The following OR6N1 variants were observed in gnomAD, a reference collection of about 807,000 sequenced individuals.
The protein encoded by OR6N1 is olfactory receptor family 6 subfamily N member 1, also known as olfactory receptor 6N1.
For missense variants in OR6N1, 394 were observed against 371.7 expected (o/e 1.06, Z -0.49); for synonymous variants, 170 against 150.7 (o/e 1.13, Z -0.94).
At chr1:158,777,638 G>A in the OR6N1 span, 1 of 1,589,022 alleles carries the variant, frequency 6.3e-7, no homozygotes, top group South Asian at 1.1e-5. Flanking sequence ...TGATCCATGG[G>A]AGGCTGAGGT....
chr1:158,777,223 G>A, the OR6N1 span: 2 of 1,614,134 alleles, frequency 1.2e-6, no homozygotes, highest in Admixed American at 3.3e-5. Flanking sequence ...ACAGAGTGTG[G>A]TGGTCATAAT....
At chr1:158,776,790 T>C (rs763467485), upstream of OR6N1, 9 of 1,613,916 alleles carry the variant, frequency 5.6e-6, no homozygotes, top group Non-Finnish European at 6.8e-6. Context: ...TGACCATTGG[T>C]GTTAGTACGG....
the OR6N1 span, among the ~76,000 whole-genome samples, chr1:158,837,561 TATTC>T: frequency 6.6e-6 from 1 of 151,810 alleles, no homozygotes; most frequent in South Asian, 2.1e-4. Flanking sequence ...ATATCTCTTT[TATTC>T]CTTCACTTTC....
the OR6N1 span, among the ~76,000 whole-genome samples, chr1:158,800,482 C>G: frequency 1.3e-5 from 2 of 152,148 alleles, no homozygotes; most frequent in African/African-American, 4.8e-5. Context: ...CGTATCTGAG[C>G]TGGATGCTCA....
At chr1:158,829,019 G>A in the OR6N1 span, among the ~76,000 whole-genome samples, 2 of 152,208 alleles carry the variant, frequency 1.3e-5, no homozygotes, top group African/African-American at 4.8e-5. Context: ...CTGGGATGTA[G>A]GGCACTAAGT....
chr1:158,776,609 G>T, upstream of OR6N1: 1 of 800,472 alleles, frequency 1.2e-6, no homozygotes, highest in Non-Finnish European at 2.0e-6. Flanking sequence ...CAGAGCATGT[G>T]TGATGATGGG....
the OR6N1 span, among the ~76,000 whole-genome samples, chr1:158,810,628 G>A: frequency 6.6e-6 from 1 of 152,146 alleles, no homozygotes; most frequent in Non-Finnish European, 1.5e-5. Flanking sequence ...AGTTTTGCAA[G>A]TCCCACATAG....
chr1:158,825,312 G>T, the OR6N1 span, among the ~76,000 whole-genome samples: 1 of 151,920 alleles, frequency 6.6e-6, no homozygotes, highest in Non-Finnish European at 1.5e-5. Context: ...GGTGGTGGGC[G>T]CCTGTAGTCC....
the OR6N1 span, among the ~76,000 whole-genome samples, chr1:158,789,625 A>T: frequency 6.6e-6 from 1 of 152,168 alleles, no homozygotes; most frequent in Non-Finnish European, 1.5e-5. Context: ...CCTAGCCATT[A>T]TATATATTCT....
chr1:158,777,046 A>G (rs1353167240), upstream of OR6N1: 6 of 1,614,186 alleles, frequency 3.7e-6, no homozygotes, highest in South Asian at 5.5e-5. Context: ...AAAGTCCACC[A>G]GAATGTTAGC....
chr1:158,826,671 G>A, the OR6N1 span, among the ~76,000 whole-genome samples: 1 of 152,310 alleles, frequency 6.6e-6, no homozygotes, highest in South Asian at 2.1e-4. Context: ...CCTGTGATAG[G>A]TATGGATAGT....
At chr1:158,769,677 A>G (rs974146594) in intron 1 of OR6N1, among the ~76,000 whole-genome samples, 4 of 151,866 alleles carry the variant, frequency 2.6e-5, no homozygotes, top group African/African-American at 9.7e-5. Flanking sequence ...GTTTACTCTG[A>G]TTTTTCTTGG....
rs1428529554 is a variant in OR6N1, at chr1:158,765,334, A to G, written c.*410T>C. Reference sequence around the variant, plus strand: ...GTACCAGTCTTCTCCACATGAAATGATTGCAAGTGGTACAAAAAACATCAT... The same window carrying G: ...GTACCAGTCTTCTCCACATGAAATGGTTGCAAGTGGTACAAAAAACATCAT... On this transcript the variant is annotated 3_prime_UTR_variant, in exon 2 of 2. Coordinates refer to ENST00000641846, the MANE Select transcript of OR6N1 (RefSeq NM_001005185.2). 6.3e-6 allele frequency: 1 copy of G among 158,042 alleles called. No homozygotes were observed. The highest frequency in any genetic ancestry group is 1.4e-5 in the Non-Finnish European group (1 of 71,742). 9.8% of individuals were successfully genotyped at this position (158,042 alleles called of 1,614,324 possible).
At chr1:158,811,487 T>C in the OR6N1 span, among the ~76,000 whole-genome samples, 204 of 152,176 alleles carry the variant, frequency 1.3e-3, no homozygotes, top group Non-Finnish European at 2.2e-3. Flanking sequence ...ATCACTTTCC[T>C]TTTCATCACT....
chr1:158,827,108 A>G, the OR6N1 span, among the ~76,000 whole-genome samples: 2 of 152,210 alleles, frequency 1.3e-5, no homozygotes, highest in Non-Finnish European at 2.9e-5. Context: ...GGAAATTTAC[A>G]AGAAGATTTT....
At chr1:158,799,494 AG>A in the OR6N1 span, among the ~76,000 whole-genome samples, 1 of 152,276 alleles carries the variant, frequency 6.6e-6, no homozygotes, top group East Asian at 1.9e-4. Flanking sequence ...GATGGTAAGG[AG>A]GGTGAAAACT....
At chr1:158,813,989 C>A in the OR6N1 span, among the ~76,000 whole-genome samples, 1 of 152,068 alleles carries the variant, frequency 6.6e-6, no homozygotes, top group Admixed American at 6.6e-5. Context: ...TGTGAGTCAC[C>A]ATGCCTAGCC....
chr1:158,773,025 A>G (rs959487636), upstream of OR6N1, among the ~76,000 whole-genome samples: 7 of 152,200 alleles, frequency 4.6e-5, no homozygotes, highest in African/African-American at 1.4e-4. Context: ...TAATAATCAA[A>G]TGTGATAATG....
chr1:158,831,975 A>G, the OR6N1 span, among the ~76,000 whole-genome samples: 1 of 152,168 alleles, frequency 6.6e-6, no homozygotes, highest in African/African-American at 2.4e-5. Flanking sequence ...ATATGATTTT[A>G]TCTCTATTTT....
Sources: allele counts gnomAD v4.1 joint callset (sites outside exome capture counted in the v4.1 genomes callset), GRCh38; gene constraint gnomAD v4.1.1; transcripts MANE v1.5; gene names NCBI Gene and HGNC (gene_info 2026-07-23, HGNC 2026-07-21).